PLXDC2: variants seen among roughly 807,000 people sequenced by gnomAD.
PLXDC2 encodes the protein plexin domain containing 2.
PLXDC2 carries 40 observed loss-of-function variants against 68.9 expected under a neutral mutation model. The ratio of observed to expected loss-of-function variants is 0.58; its 90% CI spans 0.45 to 0.76. The LOEUF (loss-of-function observed/expected upper bound fraction) is 0.76, where lower values mean the gene tolerates loss of function less well. Among genes scored for constraint, PLXDC2 ranks in the 30% least tolerant of loss-of-function variants. The pLI is 0.00. For synonymous variants in PLXDC2, 243 were observed against 234.2 expected (o/e 1.04, Z -0.34); for missense variants, 644 against 661.9 (o/e 0.97, Z 0.30).
intron 3 of PLXDC2, among the ~76,000 whole-genome samples, chr10:20,054,065 T>C (rs1245345581): frequency 6.6e-6 from 1 of 152,038 alleles, no homozygotes. Context: ...GGAAAGAACC[T>C]TGATGCAGAA....
At chr10:20,258,851 AG>A (rs1219231691) in intron 13 of PLXDC2, among the ~76,000 whole-genome samples, 2 of 152,026 alleles carry the variant, frequency 1.3e-5, no homozygotes, top group Non-Finnish European at 2.9e-5. Flanking sequence ...ACCAAAAAAT[AG>A]AAAAAATTAG....
At chr10:19,887,035 C>T (rs1220096497) in intron 1 of PLXDC2, among the ~76,000 whole-genome samples, 2 of 152,142 alleles carry the variant, frequency 1.3e-5, no homozygotes, top group African/African-American at 4.8e-5. Flanking sequence ...CTTCATAGCT[C>T]CCCTGAAAGG....
chr10:20,253,711 A>G (rs189451818), intron 13 of PLXDC2, among the ~76,000 whole-genome samples: 1 of 152,220 alleles, frequency 6.6e-6, no homozygotes, highest in Non-Finnish European at 1.5e-5. Context: ...GCACAAGTAA[A>G]TTTCCTTGAG....
chr10:19,980,645 T>C (rs1834536803), intron 1 of PLXDC2, among the ~76,000 whole-genome samples: 1 of 152,156 alleles, frequency 6.6e-6, no homozygotes, highest in Admixed American at 6.6e-5. Context: ...CACACATACG[T>C]ATAAGAAAAT....
chr10:19,838,145 T>G (rs1185249087), intron 1 of PLXDC2, among the ~76,000 whole-genome samples: 2 of 152,134 alleles, frequency 1.3e-5, no homozygotes, highest in African/African-American at 4.8e-5. Context: ...AGTTTTTTTG[T>G]AAAGACAGGG....
rs144121305 is a variant in PLXDC2, at chr10:20,002,989, C to G, written c.324+1003C>G. Reference sequence around the variant, plus strand: ...TTGGTCCCTCTGACTGTGAGTTATTCTTTATTATGGTTGGAGCTATGAAGC... The same window carrying G: ...TTGGTCCCTCTGACTGTGAGTTATTGTTTATTATGGTTGGAGCTATGAAGC... On this transcript the variant is annotated intron_variant, in intron 2 of 13. Transcript: ENST00000377252. 6.6e-4 allele frequency among the ~76,000 whole-genome samples: 100 copies of G among 152,174 alleles called. No homozygotes were observed. The East Asian group carries it at 0.018, about 28-fold the overall frequency.
intron 1 of PLXDC2, among the ~76,000 whole-genome samples, chr10:19,961,649 A>G (rs532272385): frequency 6.6e-6 from 1 of 152,350 alleles, no homozygotes; most frequent in African/African-American, 2.4e-5. Context: ...AAATGGGTCA[A>G]ATGGCACTGA....
intron 9 of PLXDC2, among the ~76,000 whole-genome samples, chr10:20,196,691 G>C (rs1242268954): frequency 6.6e-6 from 1 of 152,154 alleles, no homozygotes; most frequent in South Asian, 2.1e-4. Flanking sequence ...GCAGCTTCAA[G>C]TTTTGCAGTT....
chr10:20,202,570 C>A (rs1834934606), intron 9 of PLXDC2, among the ~76,000 whole-genome samples: 1 of 144,078 alleles, frequency 6.9e-6, no homozygotes, highest in African/African-American at 2.7e-5. Context: ...AAACTTGCAC[C>A]ATTTAAAACT....
chr10:19,862,353 G>A (rs998027442), intron 1 of PLXDC2, among the ~76,000 whole-genome samples: 15 of 152,106 alleles, frequency 9.9e-5, no homozygotes, highest in Non-Finnish European at 1.6e-4. Flanking sequence ...TTGAACCAAG[G>A]AGTAACAATT....
At chr10:20,148,759 G>T (rs982675347) in intron 6 of PLXDC2, among the ~76,000 whole-genome samples, 1 of 152,036 alleles carries the variant, frequency 6.6e-6, no homozygotes, top group African/African-American at 2.4e-5. Context: ...TTACAGACTC[G>T]ATATCTTATG....
Position 20,006,501 on chromosome 10 carries a change from C to T in PLXDC2, c.324+4515C>T, listed in dbSNP as rs1835030628. On this transcript the variant is annotated intron_variant, in intron 2 of 13. Transcript: ENST00000377252. ...ATGTGTATCACAGTGAGACAAAAACCACCCAGAATGGTATTCCTCAGATGT... is the reference window on the plus strand; with the variant it reads ...ATGTGTATCACAGTGAGACAAAAACTACCCAGAATGGTATTCCTCAGATGT... Among the ~76,000 whole-genome samples, 3 of 152,018 alleles carry T rather than the reference C, an allele frequency of 2.0e-5. No homozygotes were observed. In the South Asian group the frequency reaches 6.2e-4, roughly 32 times the overall value.
intron 13 of PLXDC2, among the ~76,000 whole-genome samples, chr10:20,260,581 G>C (rs955588035): frequency 2.6e-5 from 4 of 152,114 alleles, no homozygotes; most frequent in African/African-American, 9.7e-5. Flanking sequence ...ACATGTTGTG[G>C]TATCCATTCA....
rs1837541904 is a variant in PLXDC2 at position 19,871,831 on chromosome 10, A to G, written c.112+54640A>G. Among the ~76,000 whole-genome samples the G allele has an allele frequency of 2.0e-5, 3 of 151,132 alleles. No individual in the cohort carries two copies. The South Asian group carries it at 6.3e-4, about 32-fold the overall frequency. On this transcript the variant is annotated intron_variant, in intron 1 of 13. Coordinates refer to ENST00000377252, the MANE Select transcript of PLXDC2 (RefSeq NM_032812.9). The stretch of plus-strand genomic sequence containing the variant: ...AACCCGGGAGGCGGAGGTTGCAGTG[A>G]GCCAAGATCACGCCACCGCACTCCA...
At chr10:19,893,837 G>A (rs940984246) in intron 1 of PLXDC2, among the ~76,000 whole-genome samples, 24 of 152,166 alleles carry the variant, frequency 1.6e-4, no homozygotes, top group African/African-American at 4.8e-4. Flanking sequence ...GCTCTTCCCA[G>A]CACTGTTTCC....
intron 1 of PLXDC2, among the ~76,000 whole-genome samples, chr10:19,975,014 A>T (rs1353495984): frequency 1.3e-5 from 2 of 152,230 alleles, no homozygotes; most frequent in Non-Finnish European, 2.9e-5. Flanking sequence ...GTTGTAAACC[A>T]TCATCGGCTC....
At chr10:20,150,615 C>T (rs747522248) in intron 6 of PLXDC2, among the ~76,000 whole-genome samples, 15 of 152,142 alleles carry the variant, frequency 9.9e-5, no homozygotes, top group Non-Finnish European at 1.6e-4. Flanking sequence ...TTGCAATGTT[C>T]ATTTTCAACG....
chr10:19,866,898 C>G (rs536384554), intron 1 of PLXDC2, among the ~76,000 whole-genome samples: 1 of 152,072 alleles, frequency 6.6e-6, no homozygotes, highest in Admixed American at 6.6e-5. Context: ...TTTAGAGATT[C>G]TTTGATTTGC....
At chr10:20,216,765 T>G (rs1387661209) in intron 10 of PLXDC2, among the ~76,000 whole-genome samples, 1 of 152,190 alleles carries the variant, frequency 6.6e-6, no homozygotes, top group Non-Finnish European at 1.5e-5. Context: ...GGATTTGTTT[T>G]CACAAATTAA....
Sources: allele counts gnomAD v4.1 joint callset (sites outside exome capture counted in the v4.1 genomes callset), GRCh38; gene constraint gnomAD v4.1.1; transcripts MANE v1.5; gene names NCBI Gene and HGNC (gene_info 2026-07-23, HGNC 2026-07-21).